Variants in LIPF observed in about 807,000 individuals in gnomAD.
LIPF encodes gastric triacylglycerol lipase.
Under a neutral mutation model 38.0 loss-of-function variants are expected in LIPF, and 25 were observed. The ratio of observed to expected loss-of-function variants is 0.66; its 90% CI spans 0.48 to 0.92. The LOEUF is 0.92. Among genes scored for constraint, LIPF ranks in the 40% least tolerant of loss-of-function variants. The pLI, the probability that LIPF is intolerant of heterozygous loss-of-function variation, is 0.00. For missense variants in LIPF, 410 were observed against 469.9 expected, an observed-to-expected ratio of 0.87 and a Z score of 1.18; for synonymous variants, 161 against 156.2, an observed-to-expected ratio of 1.03 and a Z score of -0.23.
At chr10:88,672,157 C>A (rs1247820095) in intron 6 of LIPF, among the ~76,000 whole-genome samples, 192 bp downstream of exon 6, 2 of 152,156 alleles carry the variant, frequency 1.3e-5, no homozygotes, top group Admixed American at 1.3e-4. Flanking sequence ...GCGAGATCCC[C>A]CTTTCTTTCT....
Position 88,678,665 on chromosome 10 carries a change from C to G in LIPF, c.1181C>G (p.Ser394Ter). 2 of 1,604,546 alleles carry G rather than the reference C, an allele frequency of 1.2e-6. No homozygotes were observed. The highest frequency in any genetic ancestry group is 1.7e-6 in the Non-Finnish European group (2 of 1,171,404). ...EVYNDIVSMI[S>*]EDKK is the part of the protein sequence containing the mutation. Reference sequence around the variant, plus strand: ...TACAATGACATTGTTTCTATGATATCAGAAGATAAAAAGTAGTTCTGGATT... The same window carrying G: ...TACAATGACATTGTTTCTATGATATGAGAAGATAAAAAGTAGTTCTGGATT... The change falls in exon 10 of 10, where the codon TCA becomes TGA. Residue 394 changes from serine (S) to a stop codon, truncating the protein, a stop_gained. Transcript: ENST00000238983. LOFTEE classifies it high-confidence loss of function.
chr10:88,664,550 C>A (rs1841484402), intron 1 of LIPF, 59 bp downstream of exon 1: 1 of 152,544 alleles, frequency 6.6e-6, no homozygotes. Flanking sequence ...TTTTCTTTAT[C>A]CCAAGTGATG....
intron 4 of LIPF, 48 bp downstream of exon 4, chr10:88,668,804 A>G: frequency 6.6e-7 from 1 of 1,521,922 alleles, no homozygotes; most frequent in Non-Finnish European, 9.1e-7. Context: ...TTAAAAGCAT[A>G]GGCATTTGCC....
intron 7 of LIPF, 108 bp downstream of exon 7, chr10:88,673,842 C>T (rs372962544): frequency 2.0e-4 from 158 of 802,660 alleles, no homozygotes; most frequent in Middle Eastern, 7.4e-4. Context: ...TTCAGAACTG[C>T]GATATCCTGA....
At chr10:88,676,539 A>C (rs1164564006) in intron 9 of LIPF, among the ~76,000 whole-genome samples, 1 of 152,142 alleles carries the variant, frequency 6.6e-6, no homozygotes, top group Non-Finnish European at 1.5e-5. Flanking sequence ...TTGCCATTAC[A>C]CAGACCTGTC....
intron 4 of LIPF, chr10:88,669,275 T>C (rs1229044261): frequency 6.3e-6 from 1 of 158,574 alleles, no homozygotes; most frequent in Non-Finnish European, 1.4e-5. Context: ...GGCATGAAAG[T>C]GTTTCAAGAG....
At chr10:88,673,905 T>A (rs962009796) in intron 7 of LIPF, among the ~76,000 whole-genome samples, 171 bp downstream of exon 7, 3 of 152,106 alleles carry the variant, frequency 2.0e-5, no homozygotes, top group Non-Finnish European at 2.9e-5. Flanking sequence ...ACTTCCAGCA[T>A]CCTTCCATCA....
chr10:88,665,343 T>C lies in LIPF; in HGVS notation c.-12+852T>C, dbSNP rs571012776. The C allele has an allele frequency of 7.9e-6, 4 of 508,992 alleles. No homozygotes were observed. In the South Asian group the frequency reaches 1.4e-4, roughly 18 times the overall value. 31.5% of individuals were successfully genotyped at this position (508,992 alleles called of 1,614,324 possible). On this transcript the variant is annotated intron_variant, in intron 1 of 9. Coordinates refer to ENST00000238983, the MANE Select transcript of LIPF (RefSeq NM_004190.4). The stretch of plus-strand genomic sequence containing the variant: ...AATGAATTCCCCTAACATAGAGAAA[T>C]GTACTATTACAGGCCCTGTTTTATA...
intron 7 of LIPF, among the ~76,000 whole-genome samples, chr10:88,675,083 A>G (rs1269722370): frequency 6.6e-6 from 1 of 152,222 alleles, no homozygotes; most frequent in Non-Finnish European, 1.5e-5. Flanking sequence ...TTGTTTCACT[A>G]TGGCCACAGT....
chr10:88,672,664 ACACACACTCT>A (rs760111821), intron 6 of LIPF, among the ~76,000 whole-genome samples: 1,519 of 123,098 alleles, frequency 0.012, 14 homozygotes, highest in Middle Eastern at 0.077. Flanking sequence ...ACACACACAC[ACACACACTCT>A]CTCTCTCTCT....
At position 88,678,722 on chromosome 10, in the gene LIPF, C is replaced by G; in HGVS notation, c.*41C>G. 7.7e-7 allele frequency: 1 copy of G among 1,307,030 alleles called. No homozygotes were observed. The highest frequency in any genetic ancestry group is 2.3e-5 in the East Asian group (1 of 43,324). The allele number at this position is 1,307,030 out of a possible 1,614,324, so 81.0% of individuals were successfully genotyped here. A position where few individuals can be genotyped will look rare whatever the true frequency, so the allele number is the denominator to read the frequency against. On this transcript the variant is annotated 3_prime_UTR_variant, in exon 10 of 10. Coordinates refer to ENST00000238983, the MANE Select transcript of LIPF (RefSeq NM_004190.4). ...ATTATCCGTTTGTTTTTCCAAAATA[C>G]TTTATTCTCTCATACATAGTATTTT...
At chr10:88,665,298 A>T (rs1332739757) in intron 1 of LIPF, among the ~76,000 whole-genome samples, 1 of 152,120 alleles carries the variant, frequency 6.6e-6, no homozygotes, top group Admixed American at 6.6e-5. Context: ...GCATGTTAAG[A>T]ACTTTACTTT....
intron 9 of LIPF, among the ~76,000 whole-genome samples, chr10:88,676,902 G>A (rs1841694628): frequency 6.6e-6 from 1 of 152,134 alleles, no homozygotes; most frequent in South Asian, 2.1e-4. Flanking sequence ...TCTCCACCCA[G>A]GCTCAGGAAG....
At chr10:88,674,452 G>C (rs1249013266) in intron 7 of LIPF, among the ~76,000 whole-genome samples, 1 of 152,204 alleles carries the variant, frequency 6.6e-6, no homozygotes, top group Non-Finnish European at 1.5e-5. Context: ...ACAGGCGTGA[G>C]CCACCACGCC....
chr10:88,666,064 A>G (rs1421658517), intron 1 of LIPF, among the ~76,000 whole-genome samples: 1 of 152,186 alleles, frequency 6.6e-6, no homozygotes. Context: ...AGATACCCTT[A>G]AATCTAATCC....
chr10:88,671,938 T>TA lies in LIPF; in HGVS notation c.643dup (p.Arg215LysfsTer14). ...ATACAAAAAGCCTTATAAACAAACT[T>TA]AGATTTGTTCCTCAATCCCTCTTCA... On this transcript the variant is annotated frameshift_variant, in exon 6 of 10. Transcript: ENST00000238983. LOFTEE classifies it high-confidence loss of function. 1 of 1,612,086 alleles carries TA rather than the reference T, an allele frequency of 6.2e-7. No homozygotes were observed. The highest frequency in any genetic ancestry group is 8.5e-7 in the Non-Finnish European group (1 of 1,178,988).
Position 88,664,498 on chromosome 10 carries a change from A to T in LIPF, c.-12+7A>T, listed in dbSNP as rs1424422129. 1 of 152,826 alleles carries T rather than the reference A, an allele frequency of 6.5e-6. No homozygotes were observed. The highest frequency in any genetic ancestry group is 1.5e-5 in the Non-Finnish European group (1 of 68,076). 9.5% of individuals were successfully genotyped at this position (152,826 alleles called of 1,614,324 possible). A position where few individuals can be genotyped will look rare whatever the true frequency, so the allele number is the denominator to read the frequency against. ...AACTATTTCTGAGGAAACTGTAAGT[A>T]GAACTTCTGCTGAACAAAATTGTTA... On this transcript the variant is annotated splice_region_variant and intron_variant, in intron 1 of 9. Transcript: ENST00000238983.
intron 6 of LIPF, among the ~76,000 whole-genome samples, chr10:88,672,866 T>G (rs930320720): frequency 6.6e-6 from 1 of 152,176 alleles, no homozygotes; most frequent in African/African-American, 2.4e-5. Context: ...AATCTAAAAT[T>G]TTTTGATGGC....
rs762196167 is a variant in LIPF, at chr10:88,678,733, C to T, written c.*52C>T. ...GTTTTTCCAAAATACTTTATTCTCT[C>T]ATACATAGTATTTTCATAATGTTTG... On this transcript the variant is annotated 3_prime_UTR_variant, in exon 10 of 10. Coordinates refer to ENST00000238983, the MANE Select transcript of LIPF (RefSeq NM_004190.4). 1 of 1,185,964 alleles carries T rather than the reference C, an allele frequency of 8.4e-7. No homozygotes were observed. The highest frequency in any genetic ancestry group is 2.4e-5 in the East Asian group (1 of 42,482). The allele number at this position is 1,185,964 out of a possible 1,614,324, so 73.5% of individuals were successfully genotyped here. A position where few individuals can be genotyped will look rare whatever the true frequency, so the allele number is the denominator to read the frequency against.
Sources: allele counts gnomAD v4.1 joint callset (sites outside exome capture counted in the v4.1 genomes callset), GRCh38; gene constraint gnomAD v4.1.1; transcripts MANE v1.5; gene names NCBI Gene and HGNC (gene_info 2026-07-23, HGNC 2026-07-21).